The following NLGN1 variants were observed in gnomAD, a reference collection of about 807,000 sequenced individuals.
NLGN1 encodes the protein neuroligin-1.
Under a neutral mutation model 65.5 loss-of-function variants are expected in NLGN1, and 12 were observed. The ratio of observed to expected loss-of-function variants is 0.18; its 90% CI spans 0.12 to 0.30. The LOEUF (loss-of-function observed/expected upper bound fraction) is 0.30. NLGN1 is among the 10% of genes least tolerant of loss of function. The pLI is 1.00. For synonymous variants in NLGN1, 350 were observed against 359.5 expected, an observed-to-expected ratio of 0.97 and a Z score of 0.30; for missense variants, 750 against 1,007.1, an observed-to-expected ratio of 0.74 and a Z score of 3.46.
At chr3:173,545,676 A>T (rs887407377) in intron 2 of NLGN1, among the ~76,000 whole-genome samples, 2 of 152,186 alleles carry the variant, frequency 1.3e-5, no homozygotes, top group African/African-American at 4.8e-5. Context: ...CACAATAGCA[A>T]AGACTTGGGA....
intron 4 of NLGN1, among the ~76,000 whole-genome samples, chr3:173,929,591 AGG>A (rs921458239): frequency 1.3e-5 from 2 of 150,770 alleles, no homozygotes; most frequent in African/African-American, 4.9e-5. Context: ...AAAAAAAAAA[AGG>A]AGGAAAGAAA....
chr3:173,646,992 A>G (rs1186361210), intron 3 of NLGN1, among the ~76,000 whole-genome samples: 1 of 152,184 alleles, frequency 6.6e-6, no homozygotes, highest in African/African-American at 2.4e-5. Flanking sequence ...ACAGAATGGA[A>G]AATAAATGCC....
chr3:173,936,965 A>C (rs1262068181), intron 4 of NLGN1, among the ~76,000 whole-genome samples: 3 of 152,114 alleles, frequency 2.0e-5, no homozygotes, highest in African/African-American at 7.2e-5. Context: ...GCATGTAAAA[A>C]GCATATAAAA....
At position 174,097,262 on chromosome 3, in the gene NLGN1, G is replaced by A. The variant is rs576379026; in HGVS notation, c.647-178053G>A. Among the ~76,000 whole-genome samples the A allele has an allele frequency of 2.0e-5, 3 of 152,168 alleles. No individual in the cohort carries two copies. In the South Asian group the frequency reaches 6.2e-4, roughly 32 times the overall value. On this transcript the variant is annotated intron_variant, in intron 4 of 6. Transcript: ENST00000457714. ...ATAACTATTCAAAATTTTAAGTATA[G>A]CTCTGTTTAGAACTCAAATCACTTT...
chr3:173,438,322 A>G (rs1414360598), intron 2 of NLGN1, among the ~76,000 whole-genome samples: 2 of 152,104 alleles, frequency 1.3e-5, no homozygotes, highest in East Asian at 1.9e-4. Flanking sequence ...CCTGGTTAAG[A>G]TAGGAATATA....
intron 2 of NLGN1, among the ~76,000 whole-genome samples, chr3:173,571,841 T>C (rs1234585024): frequency 1.3e-5 from 2 of 152,170 alleles, no homozygotes; most frequent in Non-Finnish European, 2.9e-5. Flanking sequence ...TACTGCCCAT[T>C]CTCAAAAGCA....
intron 3 of NLGN1, among the ~76,000 whole-genome samples, chr3:173,757,616 T>C (rs1777330934): frequency 6.6e-6 from 1 of 151,898 alleles, no homozygotes; most frequent in Non-Finnish European, 1.5e-5. Flanking sequence ...ACTTGATACA[T>C]AACAACCAAT....
intron 1 of NLGN1, among the ~76,000 whole-genome samples, chr3:173,430,046 A>C (rs540604673): frequency 6.6e-6 from 1 of 152,312 alleles, no homozygotes; most frequent in South Asian, 2.1e-4. Flanking sequence ...TGTGGATTCA[A>C]GCAGAAATGT....
At chr3:173,705,930 A>G (rs1767981546) in intron 3 of NLGN1, among the ~76,000 whole-genome samples, 1 of 152,150 alleles carries the variant, frequency 6.6e-6, no homozygotes. Context: ...AAAAAATTCT[A>G]AATAAGGTTG....
chr3:173,801,417 A>G (rs574115015), intron 3 of NLGN1, among the ~76,000 whole-genome samples: 1 of 152,136 alleles, frequency 6.6e-6, no homozygotes, highest in African/African-American at 2.4e-5. Context: ...CGAAAATAAT[A>G]ATGTGGTTAG....
At chr3:174,188,558 T>C (rs1731828798) in intron 4 of NLGN1, among the ~76,000 whole-genome samples, 1 of 151,924 alleles carries the variant, frequency 6.6e-6, no homozygotes, top group Non-Finnish European at 1.5e-5. Flanking sequence ...ATGTCAAAGA[T>C]CATAAAGCAA....
intron 3 of NLGN1, among the ~76,000 whole-genome samples, chr3:173,722,931 T>C (rs77765693): frequency 6.6e-6 from 1 of 152,124 alleles, no homozygotes; most frequent in East Asian, 1.9e-4. Flanking sequence ...GAAAAATTAA[T>C]TTGAGATGGG....
intron 1 of NLGN1, among the ~76,000 whole-genome samples, chr3:173,422,180 C>G (rs1249742511): frequency 6.6e-6 from 1 of 150,890 alleles, no homozygotes; most frequent in Non-Finnish European, 1.5e-5. Context: ...CAATGGAATA[C>G]TATTCAGCTA....
chr3:173,924,628 AAAAAAT>A (rs768333538), intron 4 of NLGN1, among the ~76,000 whole-genome samples: 1 of 151,896 alleles, frequency 6.6e-6, no homozygotes, highest in Non-Finnish European at 1.5e-5. Flanking sequence ...GTCTCAAAAA[AAAAAAT>A]AAAAATAAAA....
At chr3:173,500,626 G>C (rs1042248969) in intron 2 of NLGN1, among the ~76,000 whole-genome samples, 5 of 152,128 alleles carry the variant, frequency 3.3e-5, no homozygotes, top group Non-Finnish European at 5.9e-5. Flanking sequence ...CAGAAGGAAT[G>C]GTACCAGCTC....
intron 2 of NLGN1, among the ~76,000 whole-genome samples, chr3:173,451,744 C>T (rs1210622059): frequency 6.6e-6 from 1 of 152,214 alleles, no homozygotes; most frequent in African/African-American, 2.4e-5. Context: ...TTTACCTACT[C>T]AAGCCTGGGT....
intron 3 of NLGN1, among the ~76,000 whole-genome samples, chr3:173,667,516 C>T (rs950765913): frequency 6.6e-6 from 1 of 152,090 alleles, no homozygotes; most frequent in Non-Finnish European, 1.5e-5. Flanking sequence ...TGGTATGATA[C>T]TATTATCTAA....
chr3:174,185,899 A>G (rs1376882311), intron 4 of NLGN1, among the ~76,000 whole-genome samples: 1 of 151,924 alleles, frequency 6.6e-6, no homozygotes, highest in African/African-American at 2.4e-5. Context: ...CCACTATTTT[A>G]TACTGTCTTA....
chr3:173,898,271 A>T (rs930626502), intron 4 of NLGN1, among the ~76,000 whole-genome samples: 2 of 152,356 alleles, frequency 1.3e-5, no homozygotes, highest in East Asian at 3.9e-4. Context: ...TACAGAAAGT[A>T]AACATAGGAA....
Sources: allele counts gnomAD v4.1 joint callset (sites outside exome capture counted in the v4.1 genomes callset), GRCh38; gene constraint gnomAD v4.1.1; transcripts MANE v1.5; gene names NCBI Gene and HGNC (gene_info 2026-07-23, HGNC 2026-07-21).